The following ZC4H2 variants were observed in gnomAD, a reference collection of about 807,000 sequenced individuals.
ZC4H2 encodes the protein zinc finger C4H2-type containing, also known as zinc finger C4H2 domain-containing protein.
For synonymous variants in ZC4H2, 84 were observed against 66.3 expected (o/e 1.27, Z -1.30); for missense variants, 137 against 173.9 (o/e 0.79, Z 1.19).
chrX:64,952,480 C>G (rs763544584), intron 1 of ZC4H2, among the ~76,000 whole-genome samples: 7 of 110,669 alleles, frequency 6.3e-5, no homozygotes, highest in African/African-American at 1.3e-4. Context: ...TCTTAGGATA[C>G]AAAACCAATG....
At position 65,014,860 on chromosome X, in the gene ZC4H2, T is replaced by A. The variant is rs182119469; in HGVS notation, c.-272+19769A>T. Among the ~76,000 whole-genome samples, 169 of 111,827 alleles carry A rather than the reference T, an allele frequency of 1.5e-3. 2 individuals are homozygous for A. The highest frequency in any genetic ancestry group is 5.4e-3 in the African/African-American group (166 of 30,812). On this transcript the variant is annotated intron_variant, in intron 1 of 4. Transcript: ENST00000337990. Reference sequence around the variant, plus strand: ...CACAAAATGATACAGAAAGCAAAAATCACCTACAATTTCATATAATTCTCA... The same window carrying A: ...CACAAAATGATACAGAAAGCAAAAAACACCTACAATTTCATATAATTCTCA...
At chrX:65,029,580 T>C (rs1932914510) in intron 1 of ZC4H2, among the ~76,000 whole-genome samples, 1 of 111,190 alleles carries the variant, frequency 9.0e-6, no homozygotes, top group Non-Finnish European at 1.9e-5. Context: ...GAGAATAATA[T>C]AGTTGAGACG....
At chrX:64,939,732 C>A (rs888326752) in intron 1 of ZC4H2, among the ~76,000 whole-genome samples, 2 of 111,990 alleles carry the variant, frequency 1.8e-5, no homozygotes, top group African/African-American at 6.5e-5. Flanking sequence ...TAGCCAGATG[C>A]AGAAAACTGA....
chrX:65,001,575 T>A (rs1042775828), intron 1 of ZC4H2, among the ~76,000 whole-genome samples: 2 of 112,094 alleles, frequency 1.8e-5, no homozygotes, highest in African/African-American at 6.5e-5. Flanking sequence ...AATGACAGGA[T>A]CAAATTCACA....
intron 1 of ZC4H2, among the ~76,000 whole-genome samples, chrX:65,032,891 C>T (rs1040195570): frequency 2.7e-5 from 3 of 111,022 alleles, no homozygotes; most frequent in Middle Eastern, 4.7e-3. Context: ...ATTCTACTGC[C>T]CCCGCCTCCC....
At chrX:64,960,600 T>C (rs748356087) in intron 1 of ZC4H2, among the ~76,000 whole-genome samples, 1 of 112,130 alleles carries the variant, frequency 8.9e-6, no homozygotes, top group South Asian at 3.7e-4. Context: ...TTAACTATGC[T>C]TAACAGCAAG....
intron 1 of ZC4H2, among the ~76,000 whole-genome samples, chrX:64,964,044 A>G (rs1030275371): frequency 1.2e-4 from 13 of 110,663 alleles, no homozygotes; most frequent in Non-Finnish European, 2.3e-4. Context: ...GGAGGGGGAA[A>G]CGTAGAGCTG....
intron 1 of ZC4H2, among the ~76,000 whole-genome samples, chrX:64,937,567 T>C (rs768154249): frequency 3.6e-4 from 40 of 110,728 alleles, no homozygotes; most frequent in Non-Finnish European, 6.8e-4. Context: ...TGCAAAACAA[T>C]GAAAATCATA....
intron 1 of ZC4H2, among the ~76,000 whole-genome samples, chrX:64,962,017 G>A (rs1289946461): frequency 9.0e-6 from 1 of 111,283 alleles, no homozygotes; most frequent in Non-Finnish European, 1.9e-5. Flanking sequence ...TCCTTTTCAA[G>A]CTTTTCCAAA....
chrX:64,983,108 G>A (rs1932115581), intron 1 of ZC4H2, among the ~76,000 whole-genome samples: 1 of 111,292 alleles, frequency 9.0e-6, no homozygotes, highest in South Asian at 3.8e-4. Flanking sequence ...AGTATGCATA[G>A]TGGTGAGGCA....
At chrX:64,988,420 A>G (rs1280608953) in intron 1 of ZC4H2, among the ~76,000 whole-genome samples, 4 of 111,222 alleles carry the variant, frequency 3.6e-5, no homozygotes, top group Non-Finnish European at 7.5e-5. Flanking sequence ...TTTTAATGAT[A>G]GCCATTCTAA....
At chrX:64,987,781 C>A (rs1267077067) in intron 1 of ZC4H2, among the ~76,000 whole-genome samples, 1 of 107,317 alleles carries the variant, frequency 9.3e-6, no homozygotes, top group South Asian at 4.2e-4. Flanking sequence ...ATGTGCACAA[C>A]CTGCAGGTTT....
intron 1 of ZC4H2, among the ~76,000 whole-genome samples, chrX:64,998,973 A>AT (rs1288809414): frequency 1.3e-5 from 1 of 77,075 alleles, no homozygotes; most frequent in Admixed American, 1.5e-4. Context: ...CCATCCTTTC[A>AT]TTTTTTTATT....
rs139006167 is a variant in ZC4H2 at position 64,969,418 on chromosome X, C to T, written c.53+6907G>A. ...AAAAAGCAGGGTAGGACAGCTGGGA[C>T]CTGTAGGCCTTGAAGATGGGAAAAT... On this transcript the variant is annotated intron_variant, in intron 1 of 4. Transcript: ENST00000374839. 1.7e-3 allele frequency among the ~76,000 whole-genome samples: 195 copies of T among 111,510 alleles called. 2 individuals are homozygous for T. Among genetic ancestry groups the T allele is most frequent in the African/African-American group, 6.2e-3 (189 of 30,666 alleles).
chrX:65,003,660 G>T (rs951570540), intron 1 of ZC4H2, among the ~76,000 whole-genome samples: 1 of 110,642 alleles, frequency 9.0e-6, no homozygotes, highest in Admixed American at 9.6e-5. Context: ...GGCGAATCCC[G>T]AGGTCAGGAG....
chrX:64,928,868 CCTT>C (rs938539183), intron 1 of ZC4H2, among the ~76,000 whole-genome samples: 5 of 100,353 alleles, frequency 5.0e-5, no homozygotes, highest in Non-Finnish European at 8.0e-5. Flanking sequence ...TCCTTCTTCT[CCTT>C]CTTTTCTTCT....
At chrX:64,975,434 G>A (rs1191781732) in intron 1 of ZC4H2, among the ~76,000 whole-genome samples, 1 of 111,586 alleles carries the variant, frequency 9.0e-6, no homozygotes, top group Non-Finnish European at 1.9e-5. Context: ...CTTCCACCTT[G>A]GGTTCTCAGA....
At chrX:64,938,519 C>T (rs962403993) in intron 1 of ZC4H2, among the ~76,000 whole-genome samples, 21 of 111,841 alleles carry the variant, frequency 1.9e-4, no homozygotes, top group African/African-American at 2.9e-4. Context: ...TGATGAACAT[C>T]GATGTGAAAA....
intron 1 of ZC4H2, among the ~76,000 whole-genome samples, chrX:64,954,970 C>T (rs1931095821): frequency 1.8e-5 from 2 of 111,633 alleles, no homozygotes; most frequent in South Asian, 7.5e-4. Context: ...GGACATAAGT[C>T]TAATGTTAAT....
Sources: gnomAD v4.1 joint callset for allele counts (sites outside exome capture counted in the v4.1 genomes callset) on GRCh38, gnomAD v4.1.1 for gene constraint, MANE v1.5 for transcripts, NCBI Gene and HGNC (gene_info 2026-07-23, HGNC 2026-07-21) for gene names.